CELF2: variants seen among roughly 807,000 people sequenced by gnomAD.
The protein encoded by CELF2 is CUGBP Elav-like family member 2.
In CELF2, 8 loss-of-function variants were observed where a neutral mutation model predicts 62.6. That is an observed-to-expected ratio of 0.13 (90% CI 0.07 to 0.23). The LOEUF (loss-of-function observed/expected upper bound fraction) is 0.23. CELF2 is among the 10% of genes least tolerant of loss of function. The pLI, the probability that CELF2 is intolerant of heterozygous loss-of-function variation, is 1.00. For synonymous variants in CELF2, 258 were observed against 250.0 expected (o/e 1.03, Z -0.30); for missense variants, 333 against 671.0 (o/e 0.50, Z 5.56).
intron 1 of CELF2, among the ~76,000 whole-genome samples, chr10:10,867,239 A>G (rs1306546358): frequency 6.6e-6 from 1 of 152,214 alleles, no homozygotes; most frequent in Non-Finnish European, 1.5e-5. Flanking sequence ...AAAGGTGCAC[A>G]GTGGGCTCCC....
At chr10:10,501,093 GT>G in the CELF2 span, among the ~76,000 whole-genome samples, 5 of 152,194 alleles carry the variant, frequency 3.3e-5, no homozygotes, top group Admixed American at 1.3e-4. Flanking sequence ...TTCCTGTACA[GT>G]TTTTTGTGTG....
At chr10:10,678,842 T>G in the CELF2 span, among the ~76,000 whole-genome samples, 1 of 152,206 alleles carries the variant, frequency 6.6e-6, no homozygotes, top group Non-Finnish European at 1.5e-5. Context: ...GCTTTCGAAG[T>G]CATTTAACCT....
chr10:11,226,682 G>A (rs1294628839), intron 3 of CELF2, among the ~76,000 whole-genome samples: 1 of 151,864 alleles, frequency 6.6e-6, no homozygotes, highest in Non-Finnish European at 1.5e-5. Flanking sequence ...GGGGCACCTG[G>A]CAGCGGCTGT....
intron 2 of CELF2, among the ~76,000 whole-genome samples, chr10:10,969,340 T>C (rs1022285611): frequency 6.6e-6 from 1 of 152,192 alleles, no homozygotes; most frequent in African/African-American, 2.4e-5. Context: ...GGGTAGGCAT[T>C]AAGGAGAAAC....
intron 1 of CELF2, among the ~76,000 whole-genome samples, chr10:11,022,629 A>C (rs2058516547): frequency 6.6e-6 from 1 of 152,152 alleles, no homozygotes; most frequent in South Asian, 2.1e-4. Flanking sequence ...TAAATCCCCA[A>C]ACTTCATTTC....
chr10:10,541,606 C>A, the CELF2 span, among the ~76,000 whole-genome samples: 1 of 152,176 alleles, frequency 6.6e-6, no homozygotes, highest in East Asian at 1.9e-4. Flanking sequence ...TATAGGATAA[C>A]TTTCTAATGT....
chr10:10,650,926 AGACCG>A, the CELF2 span, among the ~76,000 whole-genome samples: 1 of 152,096 alleles, frequency 6.6e-6, no homozygotes, highest in African/African-American at 2.4e-5. Flanking sequence ...GCGACGCAGA[AGACCG>A]GTGATTTCTG....
At chr10:10,597,648 T>G in the CELF2 span, among the ~76,000 whole-genome samples, 17 of 152,222 alleles carry the variant, frequency 1.1e-4, no homozygotes, top group Non-Finnish European at 2.1e-4. Flanking sequence ...AAAATCCTTA[T>G]AGTTGATTCC....
chr10:11,024,338 C>T (rs2058787970), intron 1 of CELF2, among the ~76,000 whole-genome samples: 1 of 152,182 alleles, frequency 6.6e-6, no homozygotes, highest in Non-Finnish European at 1.5e-5. Context: ...GGTACGGTTG[C>T]TCACGCCTGT....
chr10:10,490,577 G>A, the CELF2 span, among the ~76,000 whole-genome samples: 1 of 148,408 alleles, frequency 6.7e-6, no homozygotes, highest in African/African-American at 2.5e-5. Flanking sequence ...TTGGGGGGGG[G>A]TGGAGCATGT....
the CELF2 span, among the ~76,000 whole-genome samples, chr10:10,635,796 C>A: frequency 1.3e-5 from 2 of 152,166 alleles, no homozygotes; most frequent in African/African-American, 4.8e-5. Context: ...ATTTCAAATT[C>A]TCTCCAAAAC....
chr10:10,854,766 A>G (rs2059603895), intron 1 of CELF2, among the ~76,000 whole-genome samples: 1 of 151,946 alleles, frequency 6.6e-6, no homozygotes, highest in South Asian at 2.1e-4. Flanking sequence ...TTTCACTTCT[A>G]TGTATAAATA....
intron 1 of CELF2, among the ~76,000 whole-genome samples, chr10:11,086,558 A>G (rs554114859): frequency 2.5e-4 from 34 of 133,378 alleles, no homozygotes; most frequent in African/African-American, 8.7e-4. Context: ...CAGTGAATCC[A>G]TGTCTCCATT....
At position 10,995,976 on chromosome 10, in the gene CELF2, G is replaced by A. The variant is rs2053905255; in HGVS notation, c.89+75977G>A. On this transcript the variant is annotated intron_variant, in intron 2 of 13. Transcript: ENST00000636488. The surrounding 1 kb of genome is among the most constrained non-coding windows in gnomAD (Gnocchi z 4.7). Reference sequence around the variant, plus strand: ...GACTGCATGGGTATGTTCAGTCTGTGAATATTCCATGAGCTAAACACTTAG... The same window carrying A: ...GACTGCATGGGTATGTTCAGTCTGTAAATATTCCATGAGCTAAACACTTAG... Among the ~76,000 whole-genome samples the A allele has an allele frequency of 6.6e-6, 1 of 152,188 alleles. No individual in the cohort carries two copies. The highest frequency in any genetic ancestry group is 2.4e-5 in the African/African-American group (1 of 41,460).
chr10:10,874,173 G>T (rs1026773262), intron 1 of CELF2, among the ~76,000 whole-genome samples: 43 of 152,070 alleles, frequency 2.8e-4, no homozygotes, highest in African/African-American at 1.0e-3. Context: ...TTGTAAATTA[G>T]CCAGGCATGG....
the CELF2 span, among the ~76,000 whole-genome samples, chr10:10,749,893 G>C: frequency 6.6e-6 from 1 of 152,230 alleles, no homozygotes; most frequent in African/African-American, 2.4e-5. Flanking sequence ...AATTAGTAAA[G>C]AGAAAAGGGC....
rs1276406516 is a variant in CELF2 at position 11,104,161 on chromosome 10, T to G, written c.75-61325T>G. Among the ~76,000 whole-genome samples the G allele has an allele frequency of 2.0e-5, 3 of 152,230 alleles. No homozygotes were observed. In the South Asian group the frequency reaches 6.2e-4, roughly 32 times the overall value. ...TAAATCATGTCAAATTGTACAAGTC[T>G]ATATATTTGGAGGAAGGTAATTTTT... On this transcript the variant is annotated intron_variant, in intron 1 of 12. Transcript: ENST00000633077.
intron 1 of CELF2, among the ~76,000 whole-genome samples, chr10:10,909,608 C>T (rs2063635306): frequency 6.6e-6 from 1 of 152,228 alleles, no homozygotes; most frequent in Non-Finnish European, 1.5e-5. Flanking sequence ...AGGAGCATCT[C>T]TAAGACAAAA....
the CELF2 span, among the ~76,000 whole-genome samples, chr10:10,545,902 C>T: frequency 1.1e-4 from 16 of 152,192 alleles, no homozygotes; most frequent in East Asian, 2.1e-3. Flanking sequence ...CAAAATAAGG[C>T]CACGTCTATG....
Sources: allele counts gnomAD v4.1 joint callset (sites outside exome capture counted in the v4.1 genomes callset), GRCh38; gene constraint gnomAD v4.1.1; non-coding constraint Gnocchi (gnomAD v3.1); transcripts MANE v1.5; gene names NCBI Gene and HGNC (gene_info 2026-07-23, HGNC 2026-07-21).